Variants in ERBB4 observed in about 807,000 individuals in gnomAD.
ERBB4 encodes the protein erb-b2 receptor tyrosine kinase 4.
Under a neutral mutation model 158.0 loss-of-function variants are expected in ERBB4, and 42 were observed. The ratio of observed to expected loss-of-function variants is 0.27; its 90% CI spans 0.21 to 0.34. The LOEUF (loss-of-function observed/expected upper bound fraction) is 0.34, where lower values mean the gene tolerates loss of function less well. ERBB4 is among the 10% of genes least tolerant of loss of function. The pLI is 1.00. For synonymous variants in ERBB4, 583 were observed against 558.7 expected (o/e 1.04, Z -0.61); for missense variants, 1,333 against 1,624.1 (o/e 0.82, Z 3.08).
intron 1 of ERBB4, among the ~76,000 whole-genome samples, chr2:212,446,591 G>GTATATATATATATATATATA (rs71057412): frequency 1.1e-4 from 3 of 27,514 alleles, no homozygotes; most frequent in Non-Finnish European, 1.8e-4. Context: ...ATATATATAT[G>GTATATATATATATATATATA]TATATATATA....
chr2:211,945,761 A>G (rs2080671201), intron 3 of ERBB4, among the ~76,000 whole-genome samples: 1 of 152,088 alleles, frequency 6.6e-6, no homozygotes, highest in Non-Finnish European at 1.5e-5. Context: ...ACTGGTATTA[A>G]ATGTGAAAAT....
intron 1 of ERBB4, among the ~76,000 whole-genome samples, chr2:212,430,393 G>A (rs916662403): frequency 1.1e-4 from 17 of 151,214 alleles, no homozygotes; most frequent in African/African-American, 3.9e-4. Context: ...TCTATCTACA[G>A]TCAGTTATGT....
chr2:212,382,835 C>G (rs954793533), intron 1 of ERBB4, among the ~76,000 whole-genome samples: 1 of 150,848 alleles, frequency 6.6e-6, no homozygotes, highest in African/African-American at 2.4e-5. Context: ...CATGTTTTTT[C>G]TTTTTGTACT....
chr2:211,855,782 G>A (rs1406891968), intron 3 of ERBB4, among the ~76,000 whole-genome samples: 1 of 152,072 alleles, frequency 6.6e-6, no homozygotes, highest in Non-Finnish European at 1.5e-5. Flanking sequence ...TTGTCCTTGG[G>A]CCTTTGCAAT....
At chr2:211,594,974 T>G (rs1292369232) in intron 19 of ERBB4, among the ~76,000 whole-genome samples, 1 of 152,224 alleles carries the variant, frequency 6.6e-6, no homozygotes, top group African/African-American at 2.4e-5. Context: ...ATGAATTTAT[T>G]GTCAATCAAA....
chr2:212,064,316 AATAC>A (rs1403559456), intron 2 of ERBB4, among the ~76,000 whole-genome samples: 1 of 152,144 alleles, frequency 6.6e-6, no homozygotes, highest in African/African-American at 2.4e-5. Flanking sequence ...CAGTGTACTA[AATAC>A]ATGGATGCCA....
chr2:212,423,220 A>G (rs936711666), intron 1 of ERBB4, among the ~76,000 whole-genome samples: 8 of 152,302 alleles, frequency 5.3e-5, no homozygotes, highest in Non-Finnish European at 1.0e-4. Context: ...ATCAGCATAC[A>G]TAGAGGAACA....
chr2:212,298,878 A>T (rs1282430995), intron 1 of ERBB4, among the ~76,000 whole-genome samples: 2 of 151,686 alleles, frequency 1.3e-5, no homozygotes, highest in Non-Finnish European at 3.0e-5. Context: ...TGGGAGGAAT[A>T]ATTACCTCAA....
chr2:212,172,734 G>C (rs2081555570), intron 1 of ERBB4, among the ~76,000 whole-genome samples: 1 of 151,964 alleles, frequency 6.6e-6, no homozygotes, highest in African/African-American at 2.4e-5. Context: ...TAAATGATGA[G>C]AACACATGGA....
chr2:211,645,934 T>A (rs2070769211), intron 16 of ERBB4, among the ~76,000 whole-genome samples: 1 of 151,604 alleles, frequency 6.6e-6, no homozygotes, highest in African/African-American at 2.4e-5. Context: ...TACACACACA[T>A]ATATATGTTA....
rs1315678237 is a variant in ERBB4 at position 211,423,338 on chromosome 2, A to AAAGT, written c.2866+813_2866+816dup. Among the ~76,000 whole-genome samples, 2 of 151,972 alleles carry AAAGT rather than the reference A, an allele frequency of 1.3e-5. 1 individual carries two copies. The highest frequency in any genetic ancestry group is 3.9e-4 in the East Asian group (2 of 5,194). Reference sequence around the variant, plus strand: ...TATAAATCTGAGTAGACCTGGGTCCAAAGTCTCTTATTAATAAGATGCTTA... The same window carrying AAAGT: ...TATAAATCTGAGTAGACCTGGGTCCAAAGTAAGTCTCTTATTAATAAGATGCTTA... On this transcript the variant is annotated intron_variant, in intron 23 of 27. Transcript: ENST00000342788.
Position 212,331,970 on chromosome 2 carries a change from C to T in ERBB4, c.82+206479G>A, listed in dbSNP as rs548032077. On this transcript the variant is annotated intron_variant, in intron 1 of 27. Transcript: ENST00000342788. Reference sequence around the variant, plus strand: ...CCAATCATACCTCCTATTGCTGTCTCAGGTCACCCATATATAAATTAGGAT... The same window carrying T: ...CCAATCATACCTCCTATTGCTGTCTTAGGTCACCCATATATAAATTAGGAT... 4.5e-4 allele frequency among the ~76,000 whole-genome samples: 69 copies of T among 152,024 alleles called. 1 individual carries two copies. The highest frequency in any genetic ancestry group is 8.1e-4 in the Non-Finnish European group (55 of 67,974).
intron 20 of ERBB4, among the ~76,000 whole-genome samples, chr2:211,500,013 C>G (rs907387395): frequency 3.3e-5 from 5 of 152,064 alleles, no homozygotes; most frequent in African/African-American, 1.2e-4. Flanking sequence ...TCACTAGCCC[C>G]TCTAGTTGAA....
intron 1 of ERBB4, among the ~76,000 whole-genome samples, chr2:212,361,815 G>A (rs1287526258): frequency 2.0e-5 from 3 of 151,614 alleles, no homozygotes; most frequent in African/African-American, 7.3e-5. Context: ...GCATGTGGTT[G>A]TCACATTAGC....
At chr2:212,206,866 G>A (rs1354532026) in intron 1 of ERBB4, among the ~76,000 whole-genome samples, 3 of 151,882 alleles carry the variant, frequency 2.0e-5, no homozygotes, top group African/African-American at 7.3e-5. Flanking sequence ...GGGATTACAG[G>A]CATGAGCCAC....
chr2:211,811,371 C>T (rs1348410500), intron 3 of ERBB4, among the ~76,000 whole-genome samples: 1 of 152,128 alleles, frequency 6.6e-6, no homozygotes, highest in Non-Finnish European at 1.5e-5. Context: ...TAGAGTTTCT[C>T]CCGAGAGATC....
At chr2:211,517,975 C>A (rs2066082661) in intron 20 of ERBB4, among the ~76,000 whole-genome samples, 1 of 152,070 alleles carries the variant, frequency 6.6e-6, no homozygotes, top group Admixed American at 6.5e-5. Context: ...CACTTCATTT[C>A]TTTATTTCTG....
chr2:211,519,476 A>T (rs2066131969), intron 20 of ERBB4, among the ~76,000 whole-genome samples: 1 of 152,124 alleles, frequency 6.6e-6, no homozygotes, highest in African/African-American at 2.4e-5. Flanking sequence ...TACTGAAGCC[A>T]CAACACTGCT....
At chr2:211,757,837 G>A (rs2075319386) in intron 4 of ERBB4, among the ~76,000 whole-genome samples, 1 of 152,132 alleles carries the variant, frequency 6.6e-6, no homozygotes, top group Non-Finnish European at 1.5e-5. Context: ...AATTATGAGG[G>A]GACATGACAG....
Sources: gnomAD v4.1 joint callset for allele counts (sites outside exome capture counted in the v4.1 genomes callset) on GRCh38, gnomAD v4.1.1 for gene constraint, MANE v1.5 for transcripts, NCBI Gene and HGNC (gene_info 2026-07-23, HGNC 2026-07-21) for gene names.